The following CFAP54 variants were observed in gnomAD, a reference collection of about 807,000 sequenced individuals.
The protein encoded by CFAP54 is cilia and flagella associated protein 54.
CFAP54 carries 290 observed loss-of-function variants against 370.4 expected under a neutral mutation model. The ratio of observed to expected loss-of-function variants is 0.78; its 90% CI spans 0.71 to 0.86. The LOEUF (loss-of-function observed/expected upper bound fraction) is 0.86, where lower values mean the gene tolerates loss of function less well. Ranked by LOEUF, CFAP54 falls within the 40% of genes least tolerant of loss-of-function variation. CFAP54 has a pLI of 0.00. For missense variants in CFAP54, 3,399 were observed against 3,528.7 expected (o/e 0.96, Z 0.93); for synonymous variants, 1,206 against 1,236.5 (o/e 0.98, Z 0.52).
chr12:96,613,475 C>T (rs1007931460), intron 26 of CFAP54, among the ~76,000 whole-genome samples: 13 of 151,980 alleles, frequency 8.6e-5, no homozygotes, highest in African/African-American at 1.9e-4. Context: ...GAAGCAAGAG[C>T]GAACACATTC....
chr12:96,653,701 A>G (rs895535517), intron 36 of CFAP54, among the ~76,000 whole-genome samples: 3 of 152,046 alleles, frequency 2.0e-5, no homozygotes, highest in Non-Finnish European at 4.4e-5. Context: ...ATATATAGAA[A>G]AAAAGAGCAA....
At chr12:96,782,208 T>G (rs1158166481) in intron 60 of CFAP54, among the ~76,000 whole-genome samples, 1 of 152,118 alleles carries the variant, frequency 6.6e-6, no homozygotes, top group Non-Finnish European at 1.5e-5. Flanking sequence ...TGGGAAAACA[T>G]GCCTACTGTA....
intron 62 of CFAP54, among the ~76,000 whole-genome samples, chr12:96,789,741 C>G (rs1214852848): frequency 1.3e-5 from 2 of 152,106 alleles, no homozygotes; most frequent in African/African-American, 4.8e-5. Context: ...AGTTGTTTCA[C>G]CCTGTTTGCT....
rs200085103 is a variant in CFAP54, at chr12:96,490,695, AAAT to A, written c.317+781_317+783del. On this transcript the variant is annotated intron_variant, in intron 1 of 67. Transcript: ENST00000524981. ...CGACAGAGCAAGACTCCTTCTCAAAAAATAATAATAATAAATAAATAAAATAAA... is the reference window on the plus strand; with the variant it reads ...CGACAGAGCAAGACTCCTTCTCAAAAAATAATAATAAATAAATAAAATAAA... Among the ~76,000 whole-genome samples the A allele has an allele frequency of 3.4e-3, 494 of 145,594 alleles. 5 individuals are homozygous for A. The highest frequency in any genetic ancestry group is 0.012 in the African/African-American group (469 of 39,488).
chr12:96,513,041 C>A lies in CFAP54; in HGVS notation c.795C>A (p.Ser265=). The A allele has an allele frequency of 6.6e-7, 1 of 1,508,342 alleles. No homozygotes were observed. The highest frequency in any genetic ancestry group is 8.8e-7 in the Non-Finnish European group (1 of 1,131,046). 93.4% of individuals were successfully genotyped at this position (1,508,342 alleles called of 1,614,324 possible). ...CRKLMVIGQS[S]KALEYLLWAS... is the part of the protein sequence containing the mutation. ...AACTGATGGTCATAGGTCAGTCTTC[C>A]AAGGTATGAAATGTACTGACAAAAT... Residue 265 remains serine (S), a synonymous_variant, in exon 5 of 68, where the codon TCC becomes TCA. Transcript: ENST00000524981.
intron 47 of CFAP54, among the ~76,000 whole-genome samples, chr12:96,708,361 C>T (rs927626166): frequency 7.2e-5 from 11 of 152,086 alleles, no homozygotes; most frequent in African/African-American, 2.7e-4. Flanking sequence ...TACTCTGCCA[C>T]GATGGCAGAG....
At chr12:96,536,141 C>G (rs1382709351) in intron 12 of CFAP54, among the ~76,000 whole-genome samples, 5 of 152,114 alleles carry the variant, frequency 3.3e-5, no homozygotes, top group African/African-American at 1.2e-4. Flanking sequence ...AGGTTTGTTA[C>G]ATAAGTAAAC....
chr12:96,826,190 A>G (rs2136750744), intron 65 of CFAP54, among the ~76,000 whole-genome samples: 1 of 145,968 alleles, frequency 6.9e-6, no homozygotes, highest in East Asian at 2.0e-4. Context: ...CCAAAACTCC[A>G]TTATATCTAA....
intron 66 of CFAP54, among the ~76,000 whole-genome samples, chr12:96,848,576 A>C (rs1194956399): frequency 1.3e-5 from 2 of 152,120 alleles, no homozygotes; most frequent in Non-Finnish European, 2.9e-5. Flanking sequence ...ATGTGCCTGT[A>C]GTCCCAGCTG....
intron 66 of CFAP54, among the ~76,000 whole-genome samples, chr12:96,852,439 C>T (rs1056167816): frequency 1.3e-5 from 2 of 152,038 alleles, no homozygotes; most frequent in African/African-American, 4.8e-5. Context: ...CTCATCTTTT[C>T]AATAAATGAG....
intron 19 of CFAP54, among the ~76,000 whole-genome samples, chr12:96,568,575 A>G (rs1415316237): frequency 6.6e-6 from 1 of 152,194 alleles, no homozygotes; most frequent in Non-Finnish European, 1.5e-5. Context: ...AAGAAGACAA[A>G]TACATTTATT....
chr12:96,516,655 CTG>C (rs1955238605), intron 5 of CFAP54, among the ~76,000 whole-genome samples: 1 of 152,198 alleles, frequency 6.6e-6, no homozygotes, highest in African/African-American at 2.4e-5. Flanking sequence ...GCATTTAAAA[CTG>C]TAGTATAGTA....
intron 42 of CFAP54, 71 bp downstream of exon 42, chr12:96,685,309 C>A: frequency 7.2e-7 from 1 of 1,387,894 alleles, no homozygotes; most frequent in Non-Finnish European, 1.0e-6. Context: ...CTGTGCCATA[C>A]AAAGTGCTAT....
At chr12:96,604,350 T>G (rs1375689297) in intron 26 of CFAP54, among the ~76,000 whole-genome samples, 1 of 152,172 alleles carries the variant, frequency 6.6e-6, no homozygotes, top group Non-Finnish European at 1.5e-5. Flanking sequence ...GGCACCTGCC[T>G]GTTTGAGGTG....
In CFAP54 at chr12:96,696,255, T is replaced by C. The variant is rs375981967; in HGVS notation, c.6351+2447T>C. On this transcript the variant is annotated intron_variant, in intron 45 of 67. Coordinates refer to ENST00000524981, the MANE Select transcript of CFAP54 (RefSeq NM_001306084.2). ...ATGAGTATACCAGAGGTCGATGACA[T>C]TGAGAATACCAGGGACCTAGTCTTG... Among the ~76,000 whole-genome samples, 10 of 152,274 alleles carry C rather than the reference T, an allele frequency of 6.6e-5. No homozygotes were observed. In the East Asian group the frequency reaches 1.2e-3, roughly 18 times the overall value.
At chr12:96,574,193 T>A (rs923571288) in intron 19 of CFAP54, among the ~76,000 whole-genome samples, 1 of 152,196 alleles carries the variant, frequency 6.6e-6, no homozygotes, top group Non-Finnish European at 1.5e-5. Flanking sequence ...AGATCCTATC[T>A]CCAGTTTTTT....
At chr12:96,549,176 A>G (rs774143813) in intron 15 of CFAP54, among the ~76,000 whole-genome samples, 12 of 152,094 alleles carry the variant, frequency 7.9e-5, no homozygotes, top group Non-Finnish European at 1.3e-4. Flanking sequence ...TTTTAAGGAC[A>G]TTAGAGTTTG....
At chr12:96,651,527 T>C in intron 35 of CFAP54, 61 bp from the exon 36 acceptor site, 1 of 1,309,584 alleles carries the variant, frequency 7.6e-7, no homozygotes, top group Non-Finnish European at 1.1e-6. Context: ...AAAGATGAAG[T>C]TGTTCAGAGA....
chr12:96,586,679 C>A (rs1361442079), intron 22 of CFAP54, among the ~76,000 whole-genome samples: 2 of 152,014 alleles, frequency 1.3e-5, no homozygotes, highest in South Asian at 2.1e-4. Context: ...AGGGACAGGT[C>A]AAAGAGCTAA....
Sources: gnomAD v4.1 joint callset for allele counts (sites outside exome capture counted in the v4.1 genomes callset) on GRCh38, gnomAD v4.1.1 for gene constraint, MANE v1.5 for transcripts, NCBI Gene and HGNC (gene_info 2026-07-23, HGNC 2026-07-21) for gene names.